PCDHA5: variants seen among roughly 807,000 people sequenced by gnomAD.
The protein encoded by PCDHA5 is protocadherin alpha-5.
PCDHA5 carries 43 observed loss-of-function variants against 61.6 expected under a neutral mutation model. The ratio of observed to expected loss-of-function variants is 0.70; its 90% CI spans 0.55 to 0.90. The LOEUF (loss-of-function observed/expected upper bound fraction) is 0.90. PCDHA5 is among the 40% of genes least tolerant of loss of function. The probability of loss-of-function intolerance (pLI) is 0.00; values close to 1 mark genes in which losing one functional copy is unlikely to be tolerated. For missense variants in PCDHA5, 1,298 were observed against 1,222.7 expected, an observed-to-expected ratio of 1.06 and a Z score of -0.92; for synonymous variants, 627 against 543.9, an observed-to-expected ratio of 1.15 and a Z score of -2.13.
rs570631397 is a variant in PCDHA5, at chr5:140,879,658, A to G, written c.2352+55531A>G. Among the ~76,000 whole-genome samples the G allele has an allele frequency of 1.1e-4, 16 of 152,350 alleles. No homozygotes were observed. The South Asian group carries it at 3.1e-3, about 30-fold the overall frequency. ...TCGCTTCCTGTGGCTGCTATAACAA[A>G]CGAACACAAACTGGGTGCTGTAAAA... On this transcript the variant is annotated intron_variant, in intron 1 of 3. Transcript: ENST00000529859.
At chr5:140,967,272 T>C in intron 1 of PCDHA5, 2 of 1,613,412 alleles carry the variant, frequency 1.2e-6, no homozygotes, top group Non-Finnish European at 1.7e-6. Flanking sequence ...CGCTTTCACA[T>C]AGAGAGTGCG....
chr5:140,928,452 G>A (rs1284379241), intron 1 of PCDHA5: 1 of 1,614,008 alleles, frequency 6.2e-7, no homozygotes, highest in Non-Finnish European at 8.5e-7. Flanking sequence ...AGCTCAGGGG[G>A]TTTCATTTCC....
At chr5:140,961,176 C>A (rs782677581) in intron 1 of PCDHA5, among the ~76,000 whole-genome samples, 16 of 152,182 alleles carry the variant, frequency 1.1e-4, no homozygotes, top group Admixed American at 2.0e-4. Context: ...ACCTTATGTA[C>A]TCCTCACAGG....
chr5:140,931,395 C>T lies in PCDHA5; in HGVS notation c.2353-47554C>T, dbSNP rs141099105. Among the ~76,000 whole-genome samples the T allele has an allele frequency of 5.8e-3, 884 of 151,620 alleles. 4 individuals carry two copies. The highest frequency in any genetic ancestry group is 0.021 in the African/African-American group (851 of 41,384). ...AGACTAGAAAGGAAACATAAGTAAG[C>T]GATAGGAAGGCTGATGAATCTAGAA... On this transcript the variant is annotated intron_variant, in intron 1 of 3. Coordinates refer to ENST00000529859, the MANE Select transcript of PCDHA5 (RefSeq NM_018908.3).
chr5:140,841,155 C>T (rs1777049079), intron 1 of PCDHA5: 1 of 842,000 alleles, frequency 1.2e-6, no homozygotes, highest in South Asian at 1.9e-5. Context: ...TCGCTGTCTA[C>T]CAAGAAGTTC....
intron 1 of PCDHA5, among the ~76,000 whole-genome samples, chr5:140,952,726 A>C (rs2094788337): frequency 6.6e-6 from 1 of 152,188 alleles, no homozygotes; most frequent in African/African-American, 2.4e-5. Context: ...TTTCTGTACT[A>C]GTCTTTTCTC....
At chr5:140,910,387 T>C (rs540534807) in intron 1 of PCDHA5, among the ~76,000 whole-genome samples, 1 of 152,158 alleles carries the variant, frequency 6.6e-6, no homozygotes, top group Admixed American at 6.6e-5. Context: ...CCTTTGACAG[T>C]TGACTGGCCC....
chr5:140,856,558 A>T lies in PCDHA5; in HGVS notation c.2352+32431A>T, dbSNP rs372031038. 2.5e-6 allele frequency: 4 copies of T among 1,598,086 alleles called. 1 individual carries two copies. The East Asian group carries it at 8.9e-5, about 36-fold the overall frequency. ...GAGAGAACGCATTGCTTACTTACAA[A>T]CTCAGTCCAAATGAGTATTTTGTTC... is the stretch of plus-strand genomic sequence containing the variant. On this transcript the variant is annotated intron_variant, in intron 1 of 3. Coordinates refer to ENST00000529859, the MANE Select transcript of PCDHA5 (RefSeq NM_018908.3).
chr5:140,981,881 C>G (rs138571007), intron 2 of PCDHA5, among the ~76,000 whole-genome samples: 1 of 152,158 alleles, frequency 6.6e-6, no homozygotes, highest in Non-Finnish European at 1.5e-5. Context: ...CTGAATTAAT[C>G]TCTTCTGAGC....
intron 1 of PCDHA5, chr5:140,856,501 T>C (rs781967300): frequency 6.3e-7 from 1 of 1,598,302 alleles, no homozygotes; most frequent in Admixed American, 1.7e-5. Flanking sequence ...ACTCTCGATT[T>C]CCACTAGAAG....
chr5:140,924,901 A>AATAAAAT lies in PCDHA5; in HGVS notation c.2353-54047_2353-54046insTAAAATA, dbSNP rs145282866. On this transcript the variant is annotated intron_variant, in intron 1 of 3. Transcript: ENST00000529859. The stretch of plus-strand genomic sequence containing the variant: ...CAGAGCAAGAACCTGTCTCAAAAAA[A>AATAAAAT]AAAATAAAATAAAATAAAATAAAAT... 2.3e-3 allele frequency among the ~76,000 whole-genome samples: 186 copies of AATAAAAT among 80,480 alleles called. 2 individuals carry two copies. The highest frequency in any genetic ancestry group is 0.012 in the Middle Eastern group (2 of 162). The allele number at this position is 80,480 out of a possible 152,430, so 52.8% of individuals were successfully genotyped here. A position where few individuals can be genotyped will look rare whatever the true frequency, so the allele number is the denominator to read the frequency against.
rs2093299605 is a variant in PCDHA5 at position 140,942,442 on chromosome 5, TA to T, written c.2353-36504del. 4.0e-5 allele frequency among the ~76,000 whole-genome samples: 6 copies of T among 151,626 alleles called. No homozygotes were observed. In the South Asian group the frequency reaches 1.2e-3, roughly 31 times the overall value. ...AAAAAGATATCTAACAATAAACAAG[TA>T]AACTATCAATTATAATACAATCAAA... On this transcript the variant is annotated intron_variant, in intron 1 of 3. Coordinates refer to ENST00000529859, the MANE Select transcript of PCDHA5 (RefSeq NM_018908.3).
intron 1 of PCDHA5, chr5:140,863,734 C>A: frequency 3.9e-6 from 1 of 256,490 alleles, no homozygotes; most frequent in Non-Finnish European, 7.7e-6. Flanking sequence ...GTAGCTCATG[C>A]CTATTTGTAA....
chr5:140,857,076 A>C (rs782010117), intron 1 of PCDHA5: 1 of 1,596,990 alleles, frequency 6.3e-7, no homozygotes, highest in Admixed American at 1.7e-5. Flanking sequence ...CTGGATGAAA[A>C]TGATAATTCA....
chr5:140,835,973 G>A lies in PCDHA5; in HGVS notation c.2352+11846G>A, dbSNP rs2150249299. On this transcript the variant is annotated intron_variant, in intron 1 of 3. Coordinates refer to ENST00000529859, the MANE Select transcript of PCDHA5 (RefSeq NM_018908.3). ...CGTTGGACCACGAGGAGCTGGAGCT[G>A]TTGCAGTTCCAGGTGAGCGCGCGCG... 16 of 1,613,272 alleles carry A rather than the reference G, an allele frequency of 9.9e-6. No homozygotes were observed. The African/African-American group carries it at 2.0e-4, about 20-fold the overall frequency.
chr5:140,927,821 T>C (rs1554205108), intron 1 of PCDHA5: 1 of 1,614,118 alleles, frequency 6.2e-7, no homozygotes, highest in South Asian at 1.1e-5. Context: ...GAGGCATACA[T>C]TGAGGCGAGG....
At chr5:140,836,907 C>T in intron 1 of PCDHA5, 1 of 583,884 alleles carries the variant, frequency 1.7e-6, no homozygotes, top group Non-Finnish European at 2.8e-6. Context: ...GTTTAATATA[C>T]ACTTTTGTTT....
rs1389969210 is a variant in PCDHA5, at chr5:140,877,650, G to T, written c.2352+53523G>T. The T allele has an allele frequency of 3.1e-6, 5 of 1,613,390 alleles. No individual in the cohort carries two copies. The African/African-American group carries it at 6.7e-5, about 22-fold the overall frequency. ...ACACTGCGCTGCGTTGCTCAGCGCC[G>T]CCCACCGTGAGCCGGTGCGCGCCGG... On this transcript the variant is annotated intron_variant, in intron 1 of 3. Coordinates refer to ENST00000529859, the MANE Select transcript of PCDHA5 (RefSeq NM_018908.3).
At chr5:140,925,800 C>T (rs1318763578) in intron 1 of PCDHA5, among the ~76,000 whole-genome samples, 5 of 152,070 alleles carry the variant, frequency 3.3e-5, no homozygotes, top group African/African-American at 1.2e-4. Context: ...AGTACTTTCC[C>T]CTCCACTTCT....
Sources: gnomAD v4.1 joint callset for allele counts (sites outside exome capture counted in the v4.1 genomes callset) on GRCh38, gnomAD v4.1.1 for gene constraint, MANE v1.5 for transcripts, NCBI Gene and HGNC (gene_info 2026-07-23, HGNC 2026-07-21) for gene names.